Variants in CEP120 observed in about 807,000 individuals in gnomAD.
CEP120 encodes centrosomal protein 120, also known as centrosomal protein of 120 kDa.
A neutral mutation model predicts 126.5 loss-of-function variants in CEP120; 113 were observed. The ratio of observed to expected loss-of-function variants is 0.89; its 90% CI spans 0.77 to 1.04. The LOEUF (loss-of-function observed/expected upper bound fraction) is 1.04. CEP120 is among the 50% of genes least tolerant of loss of function. The pLI is 0.00. For synonymous variants in CEP120, 400 were observed against 394.3 expected (o/e 1.01, Z -0.17); for missense variants, 1,230 against 1,155.7 (o/e 1.06, Z -0.93).
At chr5:123,422,822 G>C in intron 1 of CEP120, 128 bp downstream of exon 1, 1 of 910,544 alleles carries the variant, frequency 1.1e-6, no homozygotes, top group Non-Finnish European at 1.8e-6. Flanking sequence ...GTACAACTTT[G>C]AACAAGTCTG....
At chr5:123,349,643 T>TTA (rs1769068269) in intron 19 of CEP120, among the ~76,000 whole-genome samples, 1 of 152,152 alleles carries the variant, frequency 6.6e-6, no homozygotes, top group Non-Finnish European at 1.5e-5. Context: ...CTTTTTTTCT[T>TTA]TCTTTTTAGA....
At chr5:123,406,586 G>GA (rs201100015) in intron 4 of CEP120, among the ~76,000 whole-genome samples, 60,958 of 135,622 alleles carry the variant, frequency 0.45, 12,967 homozygotes, top group South Asian at 0.49. Flanking sequence ...ACAATGTTGA[G>GA]AAAAAAAAAA....
intron 4 of CEP120, among the ~76,000 whole-genome samples, chr5:123,410,234 A>G (rs1773962006): frequency 1.3e-5 from 2 of 152,236 alleles, no homozygotes; most frequent in South Asian, 2.1e-4. Flanking sequence ...GCATGTTCAC[A>G]GAAGACTCAA....
Position 123,364,533 on chromosome 5 carries a change from C to A in CEP120, c.2543G>T (p.Trp848Leu). Residue 848 changes from tryptophan to leucine, a missense_variant, in exon 18 of 20, where the codon TGG (tryptophan) becomes TTG (leucine). By Grantham distance (61) the Trp-to-Leu change is moderately conservative. Coordinates refer to ENST00000306467, the MANE Select transcript of CEP120 (RefSeq NM_001375405.1). Reference protein sequence around the residue: ...TKSKLHYKQQWGRALKELARL... With the variant: ...TKSKLHYKQQLGRALKELARL... ...GGCAAGTTCTTTCAAAGCTCGTCCC[C>A]ACTGCTGCTTGTAATGCAGTTTAGA... The A allele has an allele frequency of 1.2e-6, 2 of 1,607,294 alleles. No individual in the cohort carries two copies. Among genetic ancestry groups the A allele is most frequent in the Non-Finnish European group, 1.7e-6 (2 of 1,175,556 alleles).
At chr5:123,367,456 A>G (rs1271255546) in intron 17 of CEP120, among the ~76,000 whole-genome samples, 1 of 151,854 alleles carries the variant, frequency 6.6e-6, no homozygotes, top group East Asian at 1.9e-4. Flanking sequence ...AAAATCCAAA[A>G]TCCAAAGTGT....
At position 123,391,319 on chromosome 5, in the gene CEP120, C is replaced by T; in HGVS notation, c.829G>A (p.Asp277Asn). 1.2e-6 allele frequency: 2 copies of T among 1,613,652 alleles called. No individual in the cohort carries two copies. Among genetic ancestry groups the T allele is most frequent in the African/African-American group, 1.3e-5 (1 of 75,008 alleles). Residue 277 changes from aspartate to asparagine, a missense_variant, in exon 7 of 20, where the codon GAC becomes AAC. Physicochemically the swap from Asp to Asn is conservative, Grantham distance 23. Coordinates refer to ENST00000306467, the MANE Select transcript of CEP120 (RefSeq NM_001375405.1). Reference sequence around the variant, plus strand: ...ATTTCTGTACTTCCAAGTGACTGGTCTCCACAGCAGAGGTGAATCTAATAT... The same window carrying T: ...ATTTCTGTACTTCCAAGTGACTGGTTTCCACAGCAGAGGTGAATCTAATAT... ...SKLQIHLCCG[D>N]QSLGSTEIPL...
At chr5:123,346,878 CA>C (rs1561982436) in intron 19 of CEP120, 125 bp from the exon 20 acceptor site, 15 of 667,622 alleles carry the variant, frequency 2.2e-5, no homozygotes, top group South Asian at 3.6e-5. Context: ...GAAAACAAAC[CA>C]AAAAAAACCA....
intron 11 of CEP120, among the ~76,000 whole-genome samples, chr5:123,384,164 G>C (rs906053765): frequency 2.0e-5 from 3 of 151,820 alleles, no homozygotes; most frequent in African/African-American, 7.3e-5. Flanking sequence ...TTCTACTTAC[G>C]ACAAAAAAAT....
At chr5:123,381,718 G>A (rs930729202) in intron 14 of CEP120, among the ~76,000 whole-genome samples, 2 of 151,650 alleles carry the variant, frequency 1.3e-5, no homozygotes, top group South Asian at 2.1e-4. Context: ...TTATACATCA[G>A]CAGGGTTTTT....
chr5:123,346,560 G>C lies in CEP120; in HGVS notation c.2920C>G (p.Gln974Glu). ...EDRIISELDR[Q>E]IREILAKSNA... Reference sequence around the variant, plus strand: ...CTTTTTGCCAAAATCTCTCTGATCTGTCGGTCGAGTTCACTTATTATTCGA... The same window carrying C: ...CTTTTTGCCAAAATCTCTCTGATCTCTCGGTCGAGTTCACTTATTATTCGA... The change falls in exon 20 of 20, where the codon CAG becomes GAG. Residue 974 changes from glutamine to glutamate, a missense_variant. Physicochemically the swap from Gln to Glu is conservative, Grantham distance 29. Coordinates refer to ENST00000306467, the MANE Select transcript of CEP120 (RefSeq NM_001375405.1). 1 of 1,613,420 alleles carries C rather than the reference G, an allele frequency of 6.2e-7. No homozygotes were observed. Among genetic ancestry groups the C allele is most frequent in the Non-Finnish European group, 8.5e-7 (1 of 1,179,796 alleles).
chr5:123,423,154 C>T lies in CEP120; in HGVS notation c.-156G>A. 1 of 640,180 alleles carries T rather than the reference C, an allele frequency of 1.6e-6. No homozygotes were observed. The highest frequency in any genetic ancestry group is 1.8e-5 in the South Asian group (1 of 55,856). 39.7% of individuals were successfully genotyped at this position (640,180 alleles called of 1,614,324 possible). A position where few individuals can be genotyped will look rare whatever the true frequency, so the allele number is the denominator to read the frequency against. On this transcript the variant is annotated 5_prime_UTR_variant, in exon 1 of 20. Transcript: ENST00000306467. ...CGCAGCCAGGTCCCACCGCCGTCTG[C>T]TGCAGCGCGCCCGGCTCCTCTGCCT...
At position 123,344,982 on chromosome 5, in the gene CEP120, TC is replaced by T. The variant is rs991878366; in HGVS notation, c.*1536del. 1 of 152,100 alleles carries T rather than the reference TC, an allele frequency of 6.6e-6. No individual in the cohort carries two copies. Among genetic ancestry groups the T allele is most frequent in the African/African-American group, 2.4e-5 (1 of 41,416 alleles). 9.4% of individuals were successfully genotyped at this position (152,100 alleles called of 1,614,324 possible). ...AAACTACACATCCATTTTAGAAAAG[TC>T]CTTTTTATTTCTTTAAATCAGAGGC... On this transcript the variant is annotated 3_prime_UTR_variant, in exon 20 of 20. Transcript: ENST00000306467.
At chr5:123,354,344 C>T (rs1769411089) in intron 18 of CEP120, among the ~76,000 whole-genome samples, 1 of 152,028 alleles carries the variant, frequency 6.6e-6, no homozygotes, top group Admixed American at 6.6e-5. Context: ...GCTAAATGTT[C>T]CATGTGCACT....
chr5:123,401,497 G>C (rs1773234920), intron 4 of CEP120: 1 of 1,267,540 alleles, frequency 7.9e-7, no homozygotes, highest in East Asian at 2.3e-5. Flanking sequence ...CCTTGATCTG[G>C]TACATGCTCT....
chr5:123,391,092 A>T lies in CEP120; in HGVS notation c.1038+18T>A, dbSNP rs764476343. On this transcript the variant is annotated intron_variant, in intron 7 of 19. Coordinates refer to ENST00000306467, the MANE Select transcript of CEP120 (RefSeq NM_001375405.1). ...GGGACTAGTGAAGCCAGGGGAATGAAGGAGGGCCACTACTTGCCTGGGAGT... is the reference window on the plus strand; with the variant it reads ...GGGACTAGTGAAGCCAGGGGAATGATGGAGGGCCACTACTTGCCTGGGAGT... The T allele has an allele frequency of 3.1e-6, 5 of 1,589,746 alleles. No homozygotes were observed. In the Admixed American group the frequency reaches 8.6e-5, roughly 27 times the overall value.
Position 123,423,155 on chromosome 5 carries a change from T to G in CEP120, c.-157A>C. 4 of 640,224 alleles carry G rather than the reference T, an allele frequency of 6.2e-6. No homozygotes were observed. The highest frequency in any genetic ancestry group is 3.6e-5 in the South Asian group (2 of 55,840). 39.7% of individuals were successfully genotyped at this position (640,224 alleles called of 1,614,324 possible). ...GCAGCCAGGTCCCACCGCCGTCTGCTGCAGCGCGCCCGGCTCCTCTGCCTC... is the reference window on the plus strand; with the variant it reads ...GCAGCCAGGTCCCACCGCCGTCTGCGGCAGCGCGCCCGGCTCCTCTGCCTC... On this transcript the variant is annotated 5_prime_UTR_variant, in exon 1 of 20. Coordinates refer to ENST00000306467, the MANE Select transcript of CEP120 (RefSeq NM_001375405.1).
At chr5:123,418,656 G>A (rs1489199310) in intron 1 of CEP120, 141 bp from the exon 2 acceptor site, 1 of 648,738 alleles carries the variant, frequency 1.5e-6, no homozygotes, top group East Asian at 3.0e-5. Context: ...GAGTTCAGTA[G>A]CGCAATCTCA....
At chr5:123,382,929 A>G in intron 12 of CEP120, 40 bp from the exon 13 acceptor site, 1 of 1,607,296 alleles carries the variant, frequency 6.2e-7, no homozygotes, top group South Asian at 1.1e-5. Context: ...ACACTCACAC[A>G]CATATGCACA....
At chr5:123,383,523 A>AT (rs919569891) in intron 11 of CEP120, among the ~76,000 whole-genome samples, 68 of 149,612 alleles carry the variant, frequency 4.5e-4, no homozygotes, top group Admixed American at 6.0e-4. Context: ...TAAAAATGTG[A>AT]TTTTTTTTTT....
Sources: gnomAD v4.1 joint callset for allele counts (sites outside exome capture counted in the v4.1 genomes callset) on GRCh38, gnomAD v4.1.1 for gene constraint, MANE v1.5 for transcripts, NCBI Gene and HGNC (gene_info 2026-07-23, HGNC 2026-07-21) for gene names.